The following TSGA10IP variants were observed in gnomAD, a reference collection of about 807,000 sequenced individuals.
TSGA10IP encodes the protein testis specific 10 interacting protein.
In TSGA10IP, 64 loss-of-function variants were observed where a neutral mutation model predicts 63.2. The observed-to-expected ratio is 1.01, with a 90% CI of 0.83 to 1.25. The LOEUF is 1.25. TSGA10IP is among the 50% of genes most tolerant of loss of function. TSGA10IP has a pLI of 0.00. For missense variants in TSGA10IP, 681 were observed against 710.1 expected, an observed-to-expected ratio of 0.96 and a Z score of 0.47; for synonymous variants, 316 against 298.3, an observed-to-expected ratio of 1.06 and a Z score of -0.61.
chr11:65,947,599 G>A lies in TSGA10IP; in HGVS notation c.774G>A (p.Glu258=), dbSNP rs2134864750. The A allele has an allele frequency of 3.1e-6, 5 of 1,613,764 alleles. No homozygotes were observed. The East Asian group carries it at 1.1e-4, about 36-fold the overall frequency. Residue 258 remains glutamate, a synonymous_variant, in exon 3 of 8, where the codon GAG becomes GAA. Coordinates refer to ENST00000532620, the Ensembl canonical transcript of TSGA10IP. ...CAGAGGCCACAGAGGAGGCTGAGGA[G>A]GGAGAGCACAGGACTCCCTGCAGAA... is the stretch of plus-strand genomic sequence containing the variant.
exon 1 of TSGA10IP, chr11:65,945,819 G>A (rs1009605985): frequency 6.2e-7 from 1 of 1,613,788 alleles, no homozygotes; most frequent in Admixed American, 1.7e-5. Flanking sequence ...CTCAGGACAA[G>A]CAGGTGAGGG....
chr11:65,947,871 C>T (rs376322478), intron 3 of TSGA10IP, 43 bp downstream of exon 3: 284 of 1,517,442 alleles, frequency 1.9e-4, no homozygotes, highest in Admixed American at 2.1e-4. Flanking sequence ...GAAGCTACAC[C>T]GCAGGGAACA....
At chr11:65,951,040 C>T (rs1246851085) in intron 4 of TSGA10IP, among the ~76,000 whole-genome samples, 15 of 152,162 alleles carry the variant, frequency 9.9e-5, no homozygotes, top group African/African-American at 3.6e-4. Context: ...GGATTTTCTT[C>T]TTTTTAAGGC....
At chr11:65,959,231 G>A (rs751659923) in exon 7 of TSGA10IP, 9 of 1,608,518 alleles carry the variant, frequency 5.6e-6, no homozygotes, top group Non-Finnish European at 6.8e-6. Flanking sequence ...TCTCCCAGGT[G>A]CTGTCAGCAC....
At chr11:65,955,277 T>C (rs1173400681) in intron 5 of TSGA10IP, among the ~76,000 whole-genome samples, 2 of 151,934 alleles carry the variant, frequency 1.3e-5, no homozygotes, top group Non-Finnish European at 2.9e-5. Flanking sequence ...CTTGTAGCCA[T>C]CTGGTATCCC....
intron 5 of TSGA10IP, among the ~76,000 whole-genome samples, chr11:65,956,050 T>A (rs922299165): frequency 3.3e-5 from 5 of 151,874 alleles, no homozygotes. Flanking sequence ...CTTTGGTCCG[T>A]GGCAAGTGGG....
chr11:65,955,646 G>A (rs971431085), intron 5 of TSGA10IP, among the ~76,000 whole-genome samples: 5 of 151,428 alleles, frequency 3.3e-5, no homozygotes, highest in Admixed American at 3.3e-4. Flanking sequence ...GCTGATGCAC[G>A]AGGGCACAGG....
At chr11:65,948,290 A>T (rs889248092) in intron 4 of TSGA10IP, 142 bp downstream of exon 4, 1 of 788,748 alleles carries the variant, frequency 1.3e-6, no homozygotes, top group Non-Finnish European at 1.9e-6. Context: ...CCATCCATCC[A>T]TCCATCCATC....
At chr11:65,959,627 A>T (rs1292643164) in intron 7 of TSGA10IP, among the ~76,000 whole-genome samples, 190 bp from the exon 8 acceptor site, 5 of 152,234 alleles carry the variant, frequency 3.3e-5, no homozygotes, top group African/African-American at 1.2e-4. Flanking sequence ...GCCTTAGAAT[A>T]ACCTGGTACA....
rs373937052 is a variant in TSGA10IP at position 65,953,577 on chromosome 11, C to T, written c.1162C>T (p.Gln388Ter). 4 of 1,586,748 alleles carry T rather than the reference C, an allele frequency of 2.5e-6. No homozygotes were observed. The African/African-American group carries it at 4.1e-5, about 16-fold the overall frequency. Reference sequence around the variant, plus strand: ...CCTTTCTCACCCAAGGAGCCTGCTGCAGGCCTGGGAGCGGCAGCGGCAGGA... The same window carrying T: ...CCTTTCTCACCCAAGGAGCCTGCTGTAGGCCTGGGAGCGGCAGCGGCAGGA... Residue 388 changes from glutamine (Q) to a stop codon, truncating the protein, a stop_gained, in exon 5 of 8, where the codon CAG becomes TAG. Coordinates refer to ENST00000532620, the Ensembl canonical transcript of TSGA10IP. LOFTEE classifies it high-confidence loss of function.
At chr11:65,953,911 G>T (rs1854985536) in intron 5 of TSGA10IP, among the ~76,000 whole-genome samples, 174 bp downstream of exon 5, 1 of 152,210 alleles carries the variant, frequency 6.6e-6, no homozygotes, top group Non-Finnish European at 1.5e-5. Context: ...GTCTGTCGAA[G>T]GCCACCCAGT....
chr11:65,952,434 G>A (rs1854957850), intron 4 of TSGA10IP, among the ~76,000 whole-genome samples: 1 of 151,818 alleles, frequency 6.6e-6, no homozygotes, highest in Non-Finnish European at 1.5e-5. Context: ...GTGTGTGTGT[G>A]TGGTGTGTGT....
chr11:65,950,131 G>A (rs1224446710), intron 4 of TSGA10IP, among the ~76,000 whole-genome samples: 6 of 151,732 alleles, frequency 4.0e-5, no homozygotes, highest in African/African-American at 7.3e-5. Context: ...GATCACAGGC[G>A]TGAGCCACCA....
chr11:65,948,079 G>T, exon 4 of TSGA10IP: 1 of 1,592,212 alleles, frequency 6.3e-7, no homozygotes, highest in Non-Finnish European at 8.6e-7. Flanking sequence ...TATGCCTCGG[G>T]ATACGATGAA....
At chr11:65,958,215 G>A (rs1855057683) in intron 5 of TSGA10IP, among the ~76,000 whole-genome samples, 1 of 152,196 alleles carries the variant, frequency 6.6e-6, no homozygotes, top group Admixed American at 6.5e-5. Flanking sequence ...AAAGTGCTGG[G>A]ATTACAGGTG....
intron 4 of TSGA10IP, among the ~76,000 whole-genome samples, chr11:65,950,828 C>T (rs1854930682): frequency 6.6e-6 from 1 of 152,196 alleles, no homozygotes; most frequent in Admixed American, 6.5e-5. Flanking sequence ...TCCCAAGGTG[C>T]TGGGATTACA....
chr11:65,947,167 C>T (rs1383563861), exon 3 of TSGA10IP: 1 of 1,610,676 alleles, frequency 6.2e-7, no homozygotes, highest in Admixed American at 1.7e-5. Context: ...CCTGGGAGAG[C>T]ATCGCCACAG....
In TSGA10IP at chr11:65,959,885, G is replaced by A; in HGVS notation, c.1616G>A (p.Gly539Asp). 2.5e-6 allele frequency: 4 copies of A among 1,610,662 alleles called. No homozygotes were observed. The South Asian group carries it at 3.3e-5, about 13-fold the overall frequency. ...AGGCCCCCAAGGACAGAACCCACCG[G>A]CAGCCAGCCTGACAGGCACTACAAC... Residue 539 changes from glycine (G) to aspartate (D), a missense_variant, in exon 8 of 8, where the codon GGC becomes GAC. By Grantham distance (94) the Gly-to-Asp change is moderately conservative. Transcript: ENST00000532620.
intron 1 of TSGA10IP, among the ~76,000 whole-genome samples, chr11:65,946,429 TTTTG>T (rs746142369): frequency 5.3e-5 from 8 of 151,874 alleles, no homozygotes; most frequent in South Asian, 2.1e-4. Context: ...GGTCGGGTTT[TTTTG>T]TTTGTTTGTT....
Sources: gnomAD v4.1 joint callset for allele counts (sites outside exome capture counted in the v4.1 genomes callset) on GRCh38, gnomAD v4.1.1 for gene constraint, MANE v1.5 for transcripts, NCBI Gene and HGNC (gene_info 2026-07-23, HGNC 2026-07-21) for gene names.